Variants in GCC2 observed in about 807,000 individuals in gnomAD.
The protein encoded by GCC2 is GRIP and coiled-coil domain-containing protein 2.
Under a neutral mutation model 210.6 loss-of-function variants are expected in GCC2, and 120 were observed. That is an observed-to-expected ratio of 0.57 (90% CI 0.49 to 0.66). The LOEUF is 0.66. Among genes scored for constraint, GCC2 ranks in the 30% least tolerant of loss-of-function variants. The pLI is 0.00. For missense variants in GCC2, 1,868 were observed against 1,871.9 expected (o/e 1.00, Z 0.04); for synonymous variants, 703 against 652.7 (o/e 1.08, Z -1.17).
At chr2:108,456,968 T>A (rs1053858211) in intron 4 of GCC2, among the ~76,000 whole-genome samples, 2 of 146,008 alleles carry the variant, frequency 1.4e-5, no homozygotes, top group African/African-American at 5.1e-5. Context: ...AAAAAAAAAA[T>A]TTAAGATGCC....
Position 108,449,764 on chromosome 2 carries a change from A to AG in GCC2, c.63+83dup, listed in dbSNP as rs200794254. 3,939 of 1,087,554 alleles carry AG rather than the reference A, an allele frequency of 3.6e-3. 17 individuals carry two copies. Among genetic ancestry groups the AG allele is most frequent in the Non-Finnish European group, 4.0e-3 (2,935 of 733,102 alleles). The allele number at this position is 1,087,554 out of a possible 1,614,324, so 67.4% of individuals were successfully genotyped here. A position where few individuals can be genotyped will look rare whatever the true frequency, so the allele number is the denominator to read the frequency against. Reference sequence around the variant, plus strand: ...GAATTGGAAAACTTTGGCATGGGGAAGGGGGGGGCGCTGATTTTTTTTTTT... The same window carrying AG: ...GAATTGGAAAACTTTGGCATGGGGAAGGGGGGGGGCGCTGATTTTTTTTTTT... On this transcript the variant is annotated intron_variant, in intron 2 of 22. Coordinates refer to ENST00000309863, the MANE Select transcript of GCC2 (RefSeq NM_181453.4).
rs138104724 is a variant in GCC2 at position 108,495,412 on chromosome 2, G to A, written c.4569G>A (p.Thr1523=). 3.6e-4 allele frequency: 577 copies of A among 1,591,140 alleles called. 3 individuals are homozygous for A. Among genetic ancestry groups the A allele is most frequent in the Middle Eastern group, 6.8e-4 (3 of 4,410 alleles). ...GAGAAGGCATGGAGACAACTGATAC[G>A]GAGTCTGTGTCTTCCGCCAGCACAT... ...EEGEGMETTD[T]ESVSSASTYT... is the part of the protein sequence containing the mutation. Residue 1523 remains threonine (T), a synonymous_variant, in exon 20 of 23, where the codon ACG becomes ACA. Coordinates refer to ENST00000309863, the MANE Select transcript of GCC2 (RefSeq NM_181453.4).
rs1471683135 is a variant in GCC2 at position 108,508,809 on chromosome 2, A to G, written c.*1179A>G. On this transcript the variant is annotated 3_prime_UTR_variant, in exon 23 of 23. Transcript: ENST00000309863. ...TAGATCCAAACTGTGTTGTTCTTAAATCAAAAATTGGATAATTTGTAATAT... is the reference window on the plus strand; with the variant it reads ...TAGATCCAAACTGTGTTGTTCTTAAGTCAAAAATTGGATAATTTGTAATAT... 1 of 152,644 alleles carries G rather than the reference A, an allele frequency of 6.6e-6. No individual in the cohort carries two copies. The highest frequency in any genetic ancestry group is 1.9e-4 in the East Asian group (1 of 5,202). 9.5% of individuals were successfully genotyped at this position (152,644 alleles called of 1,614,324 possible). A position where few individuals can be genotyped will look rare whatever the true frequency, so the allele number is the denominator to read the frequency against.
At chr2:108,468,575 T>C (rs981574362) in intron 4 of GCC2, among the ~76,000 whole-genome samples, 4 of 152,198 alleles carry the variant, frequency 2.6e-5, no homozygotes, top group African/African-American at 9.6e-5. Flanking sequence ...TATTTCTTGC[T>C]TACTCTCTGA....
chr2:108,473,136 A>G (rs1390002706), intron 7 of GCC2: 50 of 391,248 alleles, frequency 1.3e-4, no homozygotes, highest in Non-Finnish European at 2.1e-4. Flanking sequence ...TGGCTTCATG[A>G]TTTATTTTGG....
intron 6 of GCC2, among the ~76,000 whole-genome samples, chr2:108,472,444 CTTAG>C (rs1032774865): frequency 3.9e-5 from 6 of 151,918 alleles, no homozygotes; most frequent in East Asian, 1.9e-4. Context: ...GTGTGATATG[CTTAG>C]TTATTTTTTG....
At chr2:108,460,214 T>C (rs1680492455) in intron 4 of GCC2, among the ~76,000 whole-genome samples, 1 of 152,196 alleles carries the variant, frequency 6.6e-6, no homozygotes, top group African/African-American at 2.4e-5. Context: ...GCATGGAATA[T>C]CTTTTTCCAT....
chr2:108,468,545 G>A (rs1162399115), intron 4 of GCC2, among the ~76,000 whole-genome samples: 1 of 151,958 alleles, frequency 6.6e-6, no homozygotes, highest in Non-Finnish European at 1.5e-5. Context: ...ACCTGTCTCT[G>A]AGGGAGGAAG....
rs145844270 is a variant in GCC2, at chr2:108,478,430, C to A, written c.3060+2580C>A. ...TTCAGGATGCATCATTATAAAGATA[C>A]TGAGTAATTTTTGGAGTTTGTTAAT... On this transcript the variant is annotated intron_variant, in intron 9 of 22. Transcript: ENST00000309863. Among the ~76,000 whole-genome samples the A allele has an allele frequency of 2.1e-3, 324 of 152,264 alleles. 1 individual carries two copies. The highest frequency in any genetic ancestry group is 0.017 in the Middle Eastern group (5 of 294).
At chr2:108,500,495 C>T (rs559388989) in intron 22 of GCC2, among the ~76,000 whole-genome samples, 15 of 152,134 alleles carry the variant, frequency 9.9e-5, no homozygotes, top group Admixed American at 2.6e-4. Context: ...GACGGCAGAG[C>T]GAGACTCCAT....
At chr2:108,484,007 T>A (rs1490992184) in intron 12 of GCC2, 142 bp from the exon 13 acceptor site, 1 of 425,196 alleles carries the variant, frequency 2.4e-6, no homozygotes, top group Admixed American at 4.5e-5. Context: ...ATTTCTTTGT[T>A]ACAGTGTAAA....
intron 5 of GCC2, 56 bp from the exon 6 acceptor site, chr2:108,469,595 C>A: frequency 7.9e-7 from 1 of 1,272,876 alleles, no homozygotes; most frequent in Non-Finnish European, 1.1e-6. Context: ...TTCCTAAGGT[C>A]AGAGGCTCCT....
chr2:108,490,602 A>G, intron 18 of GCC2, among the ~76,000 whole-genome samples: 1 of 152,316 alleles, frequency 6.6e-6, no homozygotes, highest in South Asian at 2.1e-4. Flanking sequence ...TTTATCACAG[A>G]TTTGCTTATA....
intron 19 of GCC2, chr2:108,494,559 C>G (rs930525360): frequency 6.6e-5 from 10 of 152,148 alleles, no homozygotes; most frequent in Admixed American, 6.5e-4. Context: ...GTCTGCCAAG[C>G]AGATTTCAAC....
At position 108,489,898 on chromosome 2, in the gene GCC2, C is replaced by G; in HGVS notation, c.4113C>G (p.Asn1371Lys). 6.2e-7 allele frequency: 1 copy of G among 1,610,148 alleles called. No homozygotes were observed. The highest frequency in any genetic ancestry group is 1.1e-5 in the South Asian group (1 of 90,664). The change falls in exon 18 of 23, where the codon AAC (asparagine) becomes AAG (lysine). Residue 1371 changes from asparagine to lysine, a missense_variant. By Grantham distance (94) the Asn-to-Lys change is moderately conservative. Around this residue, in one of 3 missense-constraint regions of GCC2, gnomAD observed 1,847 missense variants for 1,765.2 expected, o/e 1.05. Transcript: ENST00000309863. ...LKIKLQDSQNNLQINVSELQT... is the reference protein window; with the variant it reads ...LKIKLQDSQNKLQINVSELQT... ...TCAAATTACAAGATAGCCAAAATAACTTACAGATTAATGTATCTGAACTTC... is the reference window on the plus strand; with the variant it reads ...TCAAATTACAAGATAGCCAAAATAAGTTACAGATTAATGTATCTGAACTTC...
chr2:108,464,079 G>A (rs555740477), intron 4 of GCC2, among the ~76,000 whole-genome samples: 3 of 151,984 alleles, frequency 2.0e-5, no homozygotes, highest in South Asian at 2.1e-4. Context: ...TAAAGATGCC[G>A]GCTGTGGTTT....
chr2:108,470,988 G>GTT lies in GCC2; in HGVS notation c.1659_1660insTT (p.Val554LeufsTer9), dbSNP rs1681181686. ...AAAAGTTACTATCTCAACAAGAATT[G>GTT]GTACCAGAACTTGAAAATACCATAA... On this transcript the variant is annotated frameshift_variant, in exon 6 of 23. Transcript: ENST00000309863. LOFTEE classifies it high-confidence loss of function. 6.2e-7 allele frequency: 1 copy of GTT among 1,612,898 alleles called. No individual in the cohort carries two copies. Among genetic ancestry groups the GTT allele is most frequent in the Non-Finnish European group, 8.5e-7 (1 of 1,179,456 alleles).
intron 21 of GCC2, among the ~76,000 whole-genome samples, chr2:108,498,070 T>C (rs1682731996): frequency 6.6e-6 from 1 of 151,982 alleles, no homozygotes; most frequent in Non-Finnish European, 1.5e-5. Context: ...ATTAAATACT[T>C]CAGTATGCAT....
chr2:108,454,980 T>C (rs200535171), intron 4 of GCC2, among the ~76,000 whole-genome samples: 2 of 24,800 alleles, frequency 8.1e-5, no homozygotes, highest in Non-Finnish European at 1.8e-4. Context: ...GCAACCTCTA[T>C]AGAGTGTTAG....
Sources: allele counts gnomAD v4.1 joint callset (sites outside exome capture counted in the v4.1 genomes callset), GRCh38; gene constraint gnomAD v4.1.1; regional missense constraint gnomAD v4.1.1; transcripts MANE v1.5; gene names NCBI Gene and HGNC (gene_info 2026-07-23, HGNC 2026-07-21).